The following TLL2 variants were observed in gnomAD, a reference collection of about 807,000 sequenced individuals.
TLL2 encodes tolloid like 2.
TLL2 carries 106 observed loss-of-function variants against 123.0 expected under a neutral mutation model. The observed-to-expected ratio is 0.86, with a 90% CI of 0.74 to 1.01. The LOEUF (loss-of-function observed/expected upper bound fraction) is 1.01. Ranked by LOEUF, TLL2 falls within the 50% of genes least tolerant of loss-of-function variation. TLL2 has a pLI of 0.00. For missense variants in TLL2, 1,332 were observed against 1,336.7 expected (o/e 1.00, Z 0.06); for synonymous variants, 494 against 516.8 (o/e 0.96, Z 0.60).
At position 96,397,267 on chromosome 10, in the gene TLL2, C is replaced by A; in HGVS notation, c.1303G>T (p.Val435Phe). 6.2e-7 allele frequency: 1 copy of A among 1,613,624 alleles called. No homozygotes were observed. The highest frequency in any genetic ancestry group is 8.5e-7 in the Non-Finnish European group (1 of 1,179,734). ...FCGDKIPEPL[V>F]STDSRLWVEF... is the part of the protein sequence containing the mutation. Reference sequence around the variant, plus strand: ...ACCCAGAGCCGGCTGTCCGTGGAGACGAGGGGCTCCGGGATCTTATCGCCA... The same window carrying A: ...ACCCAGAGCCGGCTGTCCGTGGAGAAGAGGGGCTCCGGGATCTTATCGCCA... Residue 435 changes from valine (V) to phenylalanine (F), a missense_variant, in exon 11 of 21, where the codon GTC (valine) becomes TTC (phenylalanine). Val to Phe is a conservative substitution (Grantham distance 50). Coordinates refer to ENST00000357947, the MANE Select transcript of TLL2 (RefSeq NM_012465.4).
At chr10:96,477,833 A>G (rs1348055569) in intron 2 of TLL2, among the ~76,000 whole-genome samples, 2 of 152,078 alleles carry the variant, frequency 1.3e-5, no homozygotes, top group Non-Finnish European at 2.9e-5. Context: ...CTGGATCTCT[A>G]AGGCCCTGGG....
At chr10:96,466,636 G>C (rs951044835) in intron 2 of TLL2, among the ~76,000 whole-genome samples, 1 of 152,208 alleles carries the variant, frequency 6.6e-6, no homozygotes, top group Non-Finnish European at 1.5e-5. Context: ...TTTCTAAGAA[G>C]GGATAAAGGA....
chr10:96,395,487 C>T (rs1341117545), intron 12 of TLL2, 105 bp from the exon 13 acceptor site: 40 of 1,179,898 alleles, frequency 3.4e-5, no homozygotes, highest in Non-Finnish European at 4.5e-5. Flanking sequence ...AACCAAGAGG[C>T]CAAAGGACCC....
intron 16 of TLL2, among the ~76,000 whole-genome samples, chr10:96,383,112 C>A (rs1168728868): frequency 2.6e-5 from 4 of 152,092 alleles, no homozygotes; most frequent in Non-Finnish European, 5.9e-5. Flanking sequence ...GCACAGGGCA[C>A]CTGCAGAGGG....
At chr10:96,407,630 T>C (rs1483683458) in intron 9 of TLL2, among the ~76,000 whole-genome samples, 2 of 152,204 alleles carry the variant, frequency 1.3e-5, no homozygotes, top group African/African-American at 4.8e-5. Flanking sequence ...CAACTAACAC[T>C]AACCACACCT....
intron 12 of TLL2, 104 bp from the exon 13 acceptor site, chr10:96,395,486 G>T: frequency 8.2e-7 from 1 of 1,216,644 alleles, no homozygotes; most frequent in Non-Finnish European, 1.1e-6. Context: ...TAACCAAGAG[G>T]CCAAAGGACC....
At chr10:96,442,914 C>G (rs146984625) in intron 3 of TLL2, among the ~76,000 whole-genome samples, 8 of 152,304 alleles carry the variant, frequency 5.3e-5, no homozygotes, top group Admixed American at 2.0e-4. Flanking sequence ...GTTCCAGACA[C>G]CTGGCTATGT....
chr10:96,477,613 G>C (rs1354374525), intron 2 of TLL2, among the ~76,000 whole-genome samples: 2 of 152,182 alleles, frequency 1.3e-5, no homozygotes, highest in Non-Finnish European at 2.9e-5. Flanking sequence ...CATTTGTTAT[G>C]TGCCAGGCAC....
chr10:96,368,047 CAAAAA>C lies in TLL2; in HGVS notation c.*36_*40del, dbSNP rs527635760. The C allele has an allele frequency of 2.5e-6, 4 of 1,608,176 alleles. No individual in the cohort carries two copies. Among genetic ancestry groups the C allele is most frequent in the Non-Finnish European group, 3.4e-6 (4 of 1,176,462 alleles). Reference sequence around the variant, plus strand: ...TATTGTTGTTAAAAACAAAACAAAACAAAAAAAATTCTCAGTTTCTGTCTTTCAAG... The same window carrying C: ...TATTGTTGTTAAAAACAAAACAAAACAAATTCTCAGTTTCTGTCTTTCAAG... On this transcript the variant is annotated 3_prime_UTR_variant, in exon 21 of 21. Coordinates refer to ENST00000357947, the MANE Select transcript of TLL2 (RefSeq NM_012465.4).
chr10:96,442,149 C>T (rs536317898), intron 3 of TLL2, among the ~76,000 whole-genome samples: 2 of 152,246 alleles, frequency 1.3e-5, no homozygotes, highest in East Asian at 1.9e-4. Flanking sequence ...AAGGGTCTGC[C>T]GGAGGGGATG....
rs546680945 is a variant in TLL2, at chr10:96,403,291, G to C, written c.1267+1941C>G. On this transcript the variant is annotated intron_variant, in intron 10 of 20. Transcript: ENST00000357947. ...ATGTAGGGAAAAGAAAGAGAGATCAGACTGTTACTGTGTCTATGTAGAAAG... is the reference window on the plus strand; with the variant it reads ...ATGTAGGGAAAAGAAAGAGAGATCACACTGTTACTGTGTCTATGTAGAAAG... Among the ~76,000 whole-genome samples the C allele has an allele frequency of 8.5e-5, 13 of 152,296 alleles. 1 individual carries two copies. Among genetic ancestry groups the C allele is most frequent in the African/African-American group, 2.2e-4 (9 of 41,552 alleles).
In TLL2 at chr10:96,387,096, T is replaced by C. The variant is rs1435401669; in HGVS notation, c.1727-18A>G. On this transcript the variant is annotated intron_variant, in intron 13 of 20. Transcript: ENST00000357947. The stretch of plus-strand genomic sequence containing the variant: ...ATCCACCTCTGGTGGGGAAGGAAGG[T>C]GACCCCGGTTACATTGTCAGGAAGC... The C allele has an allele frequency of 2.5e-6, 4 of 1,609,234 alleles. No homozygotes were observed. Among genetic ancestry groups the C allele is most frequent in the Non-Finnish European group, 2.6e-6 (3 of 1,176,330 alleles).
intron 2 of TLL2, among the ~76,000 whole-genome samples, chr10:96,478,545 G>A (rs1381474840): frequency 1.3e-5 from 2 of 152,208 alleles, no homozygotes; most frequent in Non-Finnish European, 2.9e-5. Context: ...AATGACTGCA[G>A]CAGCTTTATT....
chr10:96,502,699 C>T lies in TLL2; in HGVS notation c.175+10812G>A, dbSNP rs116535787. Among the ~76,000 whole-genome samples the T allele has an allele frequency of 1.9e-3, 257 of 138,138 alleles. 1 individual carries two copies. Among genetic ancestry groups the T allele is most frequent in the African/African-American group, 5.9e-3 (231 of 39,050 alleles). 90.6% of individuals were successfully genotyped at this position (138,138 alleles called of 152,430 possible). A position where few individuals can be genotyped will look rare whatever the true frequency, so the allele number is the denominator to read the frequency against. On this transcript the variant is annotated intron_variant, in intron 1 of 20. Transcript: ENST00000357947. ...TCCACAGGGAGGAGAGGCGACCCTG[C>T]GACCTGAAAAAGAGTTAAGAAGGAA...
chr10:96,394,554 C>T (rs762098618), intron 13 of TLL2, among the ~76,000 whole-genome samples: 2 of 152,200 alleles, frequency 1.3e-5, no homozygotes, highest in Non-Finnish European at 2.9e-5. Context: ...GAGTGCCACC[C>T]CTTATTCTCC....
At chr10:96,448,483 G>A (rs1489937907) in intron 2 of TLL2, among the ~76,000 whole-genome samples, 3 of 152,140 alleles carry the variant, frequency 2.0e-5, no homozygotes, top group African/African-American at 7.2e-5. Flanking sequence ...CTATTGCAAG[G>A]ACCAAATGAG....
intron 3 of TLL2, among the ~76,000 whole-genome samples, chr10:96,438,663 A>G (rs1846820932): frequency 6.6e-6 from 1 of 152,152 alleles, no homozygotes; most frequent in Non-Finnish European, 1.5e-5. Flanking sequence ...TTCGTGCTTT[A>G]CTGCAGTGTC....
chr10:96,513,075 T>G (rs1368399012), intron 1 of TLL2, among the ~76,000 whole-genome samples: 2 of 152,240 alleles, frequency 1.3e-5, no homozygotes, highest in African/African-American at 4.8e-5. Flanking sequence ...TGGGAAACTT[T>G]GCGCGAAACT....
intron 17 of TLL2, among the ~76,000 whole-genome samples, chr10:96,377,721 G>A (rs963666650): frequency 1.3e-5 from 2 of 152,214 alleles, no homozygotes; most frequent in African/African-American, 4.8e-5. Context: ...GCAGGAAGGG[G>A]AGGAAACAGC....
Sources: gnomAD v4.1 joint callset for allele counts (sites outside exome capture counted in the v4.1 genomes callset) on GRCh38, gnomAD v4.1.1 for gene constraint, MANE v1.5 for transcripts, NCBI Gene and HGNC (gene_info 2026-07-23, HGNC 2026-07-21) for gene names.